The following PCDHA9 variants were observed in gnomAD, a reference collection of about 807,000 sequenced individuals.
PCDHA9 encodes protocadherin alpha 9, also known as protocadherin alpha-9.
A neutral mutation model predicts 62.0 loss-of-function variants in PCDHA9; 62 were observed. The ratio of observed to expected loss-of-function variants is 1.00; its 90% CI spans 0.81 to 1.23. PCDHA9 has a LOEUF of 1.23. Among genes scored for constraint, PCDHA9 ranks in the 50% most tolerant of loss-of-function variants. PCDHA9 has a pLI of 0.00. For synonymous variants in PCDHA9, 557 were observed against 567.6 expected (o/e 0.98, Z 0.27); for missense variants, 1,205 against 1,249.8 (o/e 0.96, Z 0.54).
At position 140,904,654 on chromosome 5, in the gene PCDHA9, G is replaced by C. The variant is rs554492367; in HGVS notation, c.2394+53765G>C. On this transcript the variant is annotated intron_variant, in intron 1 of 3. Coordinates refer to ENST00000532602, the MANE Select transcript of PCDHA9 (RefSeq NM_031857.2). ...AGGAATCTCCACACTGTTTTCCATAGTGGTTGTACTAGTTTACATTCCCAC... is the reference window on the plus strand; with the variant it reads ...AGGAATCTCCACACTGTTTTCCATACTGGTTGTACTAGTTTACATTCCCAC... Among the ~76,000 whole-genome samples, 175 of 152,122 alleles carry C rather than the reference G, an allele frequency of 1.2e-3. 1 individual carries two copies. The highest frequency in any genetic ancestry group is 3.4e-3 in the Middle Eastern group (1 of 294).
At chr5:140,891,838 A>G (rs1479578181) in intron 1 of PCDHA9, among the ~76,000 whole-genome samples, 1 of 152,164 alleles carries the variant, frequency 6.6e-6, no homozygotes, top group African/African-American at 2.4e-5. Context: ...AAAGGACTTG[A>G]TGGAAGGAGC....
intron 1 of PCDHA9, chr5:140,967,804 A>G (rs1168632160): frequency 6.2e-7 from 1 of 1,614,090 alleles, no homozygotes; most frequent in Admixed American, 1.7e-5. Flanking sequence ...TGCCCATGGC[A>G]GGTCACTGCA....
At chr5:140,885,434 T>C (rs1554182149) in intron 1 of PCDHA9, among the ~76,000 whole-genome samples, 1 of 152,158 alleles carries the variant, frequency 6.6e-6, no homozygotes, top group African/African-American at 2.4e-5. Context: ...AGTGTAAGTG[T>C]GCAATTATAT....
Position 140,994,911 on chromosome 5 carries a change from A to G in PCDHA9, c.2542+12348A>G, listed in dbSNP as rs527704488. Among the ~76,000 whole-genome samples, 14 of 152,340 alleles carry G rather than the reference A, an allele frequency of 9.2e-5. No homozygotes were observed. The East Asian group carries it at 1.7e-3, about 19-fold the overall frequency. On this transcript the variant is annotated intron_variant, in intron 3 of 3. Transcript: ENST00000532602. ...AAATGAGATCAGAAATGTAGACTGGAATCAGATTTTGTAGGACCTTAAACA... is the reference window on the plus strand; with the variant it reads ...AAATGAGATCAGAAATGTAGACTGGGATCAGATTTTGTAGGACCTTAAACA...
At chr5:140,972,276 A>G (rs1471308188) in intron 1 of PCDHA9, among the ~76,000 whole-genome samples, 1 of 150,442 alleles carries the variant, frequency 6.6e-6, no homozygotes, top group Non-Finnish European at 1.5e-5. Flanking sequence ...AGTAGCTTGG[A>G]CCATAGATGT....
intron 1 of PCDHA9, chr5:140,877,686 G>T (rs1554169986): frequency 6.2e-7 from 1 of 1,613,818 alleles, no homozygotes; most frequent in Non-Finnish European, 8.5e-7. Flanking sequence ...GCAAGCCCAC[G>T]CTGGTGTGCT....
intron 3 of PCDHA9, among the ~76,000 whole-genome samples, chr5:140,997,635 A>C (rs1317325954): frequency 6.6e-6 from 1 of 151,942 alleles, no homozygotes; most frequent in Non-Finnish European, 1.5e-5. Context: ...CAAAAAGCAA[A>C]ATGGGATAAT....
chr5:141,009,690 T>G lies in PCDHA9; in HGVS notation c.2606T>G (p.Phe869Cys). The G allele has an allele frequency of 6.2e-7, 1 of 1,614,068 alleles. No homozygotes were observed. The highest frequency in any genetic ancestry group is 8.5e-7 in the Non-Finnish European group (1 of 1,180,024). The change falls in exon 4 of 4, where the codon TTT (phenylalanine) becomes TGT (cysteine). Residue 869 changes from phenylalanine to cysteine, a missense_variant. Phe to Cys is a radical substitution (Grantham distance 205). Coordinates refer to ENST00000532602, the MANE Select transcript of PCDHA9 (RefSeq NM_031857.2). ...GGTGTCAACAGCAACAGCTGGACCT[T>G]TAAATACGGACCAGGCAACCCCAAA... ...GAGVNSNSWT[F>C]KYGPGNPKQS...
intron 1 of PCDHA9, chr5:140,862,360 G>C (rs920511235): frequency 6.0e-6 from 2 of 334,746 alleles, no homozygotes; most frequent in Non-Finnish European, 1.2e-5. Flanking sequence ...AGGGACAGAC[G>C]ACCCGCACCC....
In PCDHA9 at chr5:141,010,365, A is replaced by G; in HGVS notation, c.*428A>G. 6.8e-7 allele frequency: 1 copy of G among 1,480,028 alleles called. No individual in the cohort carries two copies. The highest frequency in any genetic ancestry group is 1.3e-5 in the South Asian group (1 of 75,134). The allele number at this position is 1,480,028 out of a possible 1,614,324, so 91.7% of individuals were successfully genotyped here. On this transcript the variant is annotated 3_prime_UTR_variant, in exon 4 of 4. Coordinates refer to ENST00000532602, the MANE Select transcript of PCDHA9 (RefSeq NM_031857.2). Reference sequence around the variant, plus strand: ...CTGGGTATGTGTGGCTACCGCGGGTATGCGAGTGCCAGATATTGGCTGAGA... The same window carrying G: ...CTGGGTATGTGTGGCTACCGCGGGTGTGCGAGTGCCAGATATTGGCTGAGA...
intron 1 of PCDHA9, chr5:140,854,253 A>C: frequency 1.3e-5 from 8 of 620,086 alleles, no homozygotes; most frequent in Non-Finnish European, 1.6e-5. Flanking sequence ...CACTTGGTAT[A>C]AAATGTACAT....
intron 1 of PCDHA9, chr5:140,865,093 G>T (rs535527730): frequency 6.6e-6 from 1 of 152,216 alleles, no homozygotes; most frequent in African/African-American, 2.4e-5. Flanking sequence ...TATTAATAAA[G>T]GCACTTCCAC....
chr5:140,955,658 AT>A (rs1187332497), intron 1 of PCDHA9, among the ~76,000 whole-genome samples: 1 of 152,156 alleles, frequency 6.6e-6, no homozygotes, highest in African/African-American at 2.4e-5. Flanking sequence ...ACACATATGA[AT>A]TTTAACATAG....
At chr5:140,922,715 G>A (rs1221596173) in intron 1 of PCDHA9, among the ~76,000 whole-genome samples, 1 of 152,038 alleles carries the variant, frequency 6.6e-6, no homozygotes, top group East Asian at 1.9e-4. Flanking sequence ...AGAACAAAAA[G>A]AAACACTTGA....
intron 1 of PCDHA9, chr5:140,883,780 G>C (rs903874944): frequency 1.2e-6 from 2 of 1,612,370 alleles, no homozygotes; most frequent in Admixed American, 1.7e-5. Flanking sequence ...AGCGTGCGCT[G>C]TCGAGCTACG....
At chr5:141,002,014 C>T (rs1025365420) in intron 3 of PCDHA9, among the ~76,000 whole-genome samples, 1 of 152,220 alleles carries the variant, frequency 6.6e-6, no homozygotes, top group Non-Finnish European at 1.5e-5. Context: ...AGAATCTGCA[C>T]AGCCTTCGGT....
intron 1 of PCDHA9, chr5:140,870,941 C>T: frequency 6.2e-7 from 1 of 1,613,712 alleles, no homozygotes; most frequent in Non-Finnish European, 8.5e-7. Context: ...TTGCAGCCGG[C>T]GGCGGGCGGC....
intron 3 of PCDHA9, among the ~76,000 whole-genome samples, chr5:141,000,387 CTCTCTCTCTA>C (rs1244377903): frequency 2.3e-3 from 152 of 66,802 alleles, no homozygotes; most frequent in African/African-American, 4.6e-3. Flanking sequence ...CTCTCTCTCT[CTCTCTCTCTA>C]TATATATATA....
intron 1 of PCDHA9, chr5:140,871,022 A>G (rs2052630009): frequency 6.2e-7 from 1 of 1,613,114 alleles, no homozygotes; most frequent in African/African-American, 1.3e-5. Context: ...GACGAGGCAG[A>G]CTCGCCGCGC....
Sources: gnomAD v4.1 joint callset for allele counts (sites outside exome capture counted in the v4.1 genomes callset) on GRCh38, gnomAD v4.1.1 for gene constraint, MANE v1.5 for transcripts, NCBI Gene and HGNC (gene_info 2026-07-23, HGNC 2026-07-21) for gene names.